The following EPHA4 variants were observed in gnomAD, a reference collection of about 807,000 sequenced individuals.
EPHA4 encodes EPH receptor A4.
A neutral mutation model predicts 108.3 loss-of-function variants in EPHA4; 19 were observed. The observed-to-expected ratio is 0.18, with a 90% CI of 0.12 to 0.26. EPHA4 has a LOEUF of 0.26. Ranked by LOEUF, EPHA4 falls within the 10% of genes least tolerant of loss-of-function variation. The pLI is 1.00. For missense variants in EPHA4, 917 were observed against 1,254.0 expected, an observed-to-expected ratio of 0.73 and a Z score of 4.06; for synonymous variants, 449 against 455.5, an observed-to-expected ratio of 0.99 and a Z score of 0.18.
At chr2:221,545,560 A>G (rs939723678) in intron 3 of EPHA4, among the ~76,000 whole-genome samples, 1 of 152,220 alleles carries the variant, frequency 6.6e-6, no homozygotes, top group South Asian at 2.1e-4. Context: ...ACTTTCAGCA[A>G]GTATAAATTA....
At chr2:221,523,413 G>C (rs1368088353) in intron 3 of EPHA4, among the ~76,000 whole-genome samples, 1 of 151,326 alleles carries the variant, frequency 6.6e-6, no homozygotes, top group Admixed American at 6.6e-5. Flanking sequence ...TCAGCCTCCC[G>C]AGTAGCTGGG....
At chr2:221,484,212 T>C (rs542075069) in intron 4 of EPHA4, among the ~76,000 whole-genome samples, 2 of 152,320 alleles carry the variant, frequency 1.3e-5, no homozygotes, top group Non-Finnish European at 2.9e-5. Context: ...CGAGATAGAA[T>C]TGGAAGAGGT....
intron 5 of EPHA4, among the ~76,000 whole-genome samples, chr2:221,477,274 A>C (rs534211356): frequency 1.3e-5 from 2 of 152,240 alleles, no homozygotes; most frequent in Non-Finnish European, 2.9e-5. Flanking sequence ...GAAATGTGGA[A>C]TCTTCCCTAT....
chr2:221,559,562 T>TA (rs919611460), intron 3 of EPHA4, among the ~76,000 whole-genome samples: 1 of 152,014 alleles, frequency 6.6e-6, no homozygotes, highest in Non-Finnish European at 1.5e-5. Context: ...AAACAAATAA[T>TA]AAAAAATAAA....
chr2:221,548,328 C>G (rs1226812665), intron 3 of EPHA4, among the ~76,000 whole-genome samples: 1 of 151,732 alleles, frequency 6.6e-6, no homozygotes, highest in African/African-American at 2.4e-5. Context: ...CGCACCACTG[C>G]ACTCCAGCCT....
chr2:221,535,525 C>T, intron 3 of EPHA4, among the ~76,000 whole-genome samples: 1 of 152,234 alleles, frequency 6.6e-6, no homozygotes, highest in African/African-American at 2.4e-5. Flanking sequence ...ATGCCCTAAA[C>T]CACCTATCTA....
intron 5 of EPHA4, among the ~76,000 whole-genome samples, chr2:221,476,361 C>T (rs1574595278): frequency 6.6e-6 from 1 of 152,174 alleles, no homozygotes; most frequent in East Asian, 1.9e-4. Context: ...TCAGGCCAAA[C>T]TGGACTTCCC....
intron 5 of EPHA4, among the ~76,000 whole-genome samples, chr2:221,467,505 C>G (rs896573024): frequency 3.3e-5 from 5 of 152,206 alleles, no homozygotes; most frequent in African/African-American, 1.2e-4. Context: ...GCTTTTGCAA[C>G]TTTTTAATCA....
intron 3 of EPHA4, among the ~76,000 whole-genome samples, chr2:221,507,493 G>A (rs1280623796): frequency 2.0e-5 from 3 of 151,712 alleles, no homozygotes; most frequent in Non-Finnish European, 4.4e-5. Context: ...ATTGTTTTAG[G>A]GTTTTTCTTC....
Position 221,442,976 on chromosome 2 carries a change from G to A in EPHA4, c.1927C>T (p.Pro643Ser). The change falls in exon 11 of 18, where the codon CCT becomes TCT. Residue 643 changes from proline (P) to serine (S), a missense_variant. Pro to Ser is a moderately conservative substitution (Grantham distance 74, BLOSUM62 -1). Transcript: ENST00000281821. ...GCCACACAGATCTCTCTCTTGCCAG[G>A]CACTTTGAGACGCCCACTGCATACC... Reference protein sequence around the residue: ...GEVCSGRLKVPGKREICVAIK... With the variant: ...GEVCSGRLKVSGKREICVAIK... 6.2e-7 allele frequency: 1 copy of A among 1,614,050 alleles called. No homozygotes were observed. Among genetic ancestry groups the A allele is most frequent in the Non-Finnish European group, 8.5e-7 (1 of 1,180,010 alleles).
At chr2:221,432,304 A>C (rs6436264) in intron 14 of EPHA4, among the ~76,000 whole-genome samples, 2 of 152,024 alleles carry the variant, frequency 1.3e-5, no homozygotes, top group South Asian at 4.1e-4. Flanking sequence ...GAATAATTAC[A>C]GTAACTACAT....
At chr2:221,524,019 G>T (rs1693250584) in intron 3 of EPHA4, among the ~76,000 whole-genome samples, 1 of 152,128 alleles carries the variant, frequency 6.6e-6, no homozygotes, top group East Asian at 1.9e-4. Flanking sequence ...TATATAAAAT[G>T]CCTTGTGGTG....
At chr2:221,442,758 T>G (rs986023545) in intron 11 of EPHA4, 71 bp downstream of exon 11, 1 of 1,527,296 alleles carries the variant, frequency 6.5e-7, no homozygotes, top group East Asian at 2.3e-5. Context: ...GTCATTTCCC[T>G]GGAAAGAAAA....
intron 5 of EPHA4, among the ~76,000 whole-genome samples, chr2:221,465,679 G>A (rs1293660684): frequency 6.6e-6 from 1 of 152,094 alleles, no homozygotes. Context: ...ATAGCTCCCT[G>A]TGACTCTCCA....
At chr2:221,503,950 T>C (rs1021253635) in intron 3 of EPHA4, among the ~76,000 whole-genome samples, 4 of 152,256 alleles carry the variant, frequency 2.6e-5, no homozygotes, top group Non-Finnish European at 5.9e-5. Flanking sequence ...CAGCATTTGG[T>C]ACATAAATGT....
chr2:221,458,117 A>G (rs1691020293), intron 5 of EPHA4, 127 bp from the exon 6 acceptor site: 2 of 1,143,344 alleles, frequency 1.7e-6, no homozygotes, highest in Non-Finnish European at 2.4e-6. Context: ...CCCCTTGACC[A>G]TTTTACTCTT....
intron 5 of EPHA4, among the ~76,000 whole-genome samples, chr2:221,468,250 C>A (rs1267442410): frequency 1.3e-5 from 2 of 151,560 alleles, no homozygotes; most frequent in Non-Finnish European, 2.9e-5. Context: ...AAAAGGCCCC[C>A]CAAAATTATT....
At chr2:221,511,652 T>C (rs1440385981) in intron 3 of EPHA4, among the ~76,000 whole-genome samples, 1 of 152,220 alleles carries the variant, frequency 6.6e-6, no homozygotes, top group Admixed American at 6.5e-5. Flanking sequence ...CTCCTTTAAA[T>C]TTAATTTGGC....
At chr2:221,434,701 T>A (rs1218031236) in intron 13 of EPHA4, among the ~76,000 whole-genome samples, 1 of 152,144 alleles carries the variant, frequency 6.6e-6, no homozygotes, top group Non-Finnish European at 1.5e-5. Context: ...GCTTCAAAAA[T>A]CATGAATGAA....
Sources: allele counts gnomAD v4.1 joint callset (sites outside exome capture counted in the v4.1 genomes callset), GRCh38; gene constraint gnomAD v4.1.1; transcripts MANE v1.5; gene names NCBI Gene and HGNC (gene_info 2026-07-23, HGNC 2026-07-21).